NTM: variants seen among roughly 807,000 people sequenced by gnomAD.
NTM encodes the protein neurotrimin.
NTM carries 13 observed loss-of-function variants against 42.1 expected under a neutral mutation model. The observed-to-expected ratio is 0.31, with a 90% CI of 0.20 to 0.49. NTM has a LOEUF of 0.49. Ranked by LOEUF, NTM falls within the 20% of genes least tolerant of loss-of-function variation. The pLI is 0.99. For missense variants in NTM, 373 were observed against 452.8 expected, an observed-to-expected ratio of 0.82 and a Z score of 1.60; for synonymous variants, 187 against 179.2, an observed-to-expected ratio of 1.04 and a Z score of -0.35.
chr11:132,102,010 G>A (rs964883971), intron 2 of NTM, among the ~76,000 whole-genome samples: 14 of 152,176 alleles, frequency 9.2e-5, no homozygotes, highest in Admixed American at 9.2e-4. Flanking sequence ...CTGCTGGAAG[G>A]TAGAATTGCA....
At chr11:131,668,583 G>A (rs537872102) in intron 1 of NTM, among the ~76,000 whole-genome samples, 8 of 152,200 alleles carry the variant, frequency 5.3e-5, no homozygotes, top group Admixed American at 1.3e-4. Context: ...GACTTAAGAT[G>A]ACTCCTTTCT....
intron 4 of NTM, among the ~76,000 whole-genome samples, chr11:132,246,204 T>C (rs1003540363): frequency 6.6e-6 from 1 of 152,206 alleles, no homozygotes; most frequent in South Asian, 2.1e-4. Flanking sequence ...CAAAGGGGCC[T>C]TTGCCGCACC....
intron 3 of NTM, among the ~76,000 whole-genome samples, chr11:132,183,127 C>T (rs1010396678): frequency 2.6e-5 from 4 of 152,168 alleles, no homozygotes; most frequent in African/African-American, 9.7e-5. Flanking sequence ...ACTTAATGTT[C>T]CTATCTTACC....
At chr11:132,133,699 A>G (rs2067233363) in intron 2 of NTM, among the ~76,000 whole-genome samples, 1 of 152,138 alleles carries the variant, frequency 6.6e-6, no homozygotes, top group African/African-American at 2.4e-5. Context: ...AACGAGGCCT[A>G]ACGTATTTGG....
At chr11:131,819,599 C>T (rs1417611235) in intron 1 of NTM, among the ~76,000 whole-genome samples, 1 of 152,198 alleles carries the variant, frequency 6.6e-6, no homozygotes, top group African/African-American at 2.4e-5. Flanking sequence ...GAGGCACTTT[C>T]CAAGTTCCTC....
intron 2 of NTM, among the ~76,000 whole-genome samples, chr11:131,954,646 A>T (rs1012232714): frequency 3.3e-5 from 5 of 152,164 alleles, no homozygotes; most frequent in Non-Finnish European, 7.3e-5. Context: ...TTTAACGAAA[A>T]CATTATGTTT....
chr11:132,076,407 A>C (rs1484538223), intron 2 of NTM, among the ~76,000 whole-genome samples: 1 of 152,212 alleles, frequency 6.6e-6, no homozygotes, highest in Non-Finnish European at 1.5e-5. Flanking sequence ...TTGGAGAAAG[A>C]AAGCAAAATC....
Position 131,432,839 on chromosome 11 carries a change from C to CTTTTTT in NTM, c.82+61978_82+61983dup, listed in dbSNP as rs377739708. Among the ~76,000 whole-genome samples, 85 of 68,700 alleles carry CTTTTTT rather than the reference C, an allele frequency of 1.2e-3. 4 individuals are homozygous for CTTTTTT. Among genetic ancestry groups the CTTTTTT allele is most frequent in the African/African-American group, 1.4e-3 (23 of 16,092 alleles). 45.1% of individuals were successfully genotyped at this position (68,700 alleles called of 152,430 possible). A position where few individuals can be genotyped will look rare whatever the true frequency, so the allele number is the denominator to read the frequency against. The stretch of plus-strand genomic sequence containing the variant: ...CTACAAAAGATGAAGATTTAGCATT[C>CTTTTTT]TTTTTTTTTTTTTTTTTTTTTTTTT... On this transcript the variant is annotated intron_variant, in intron 1 of 8. Transcript: ENST00000683400.
intron 1 of NTM, among the ~76,000 whole-genome samples, chr11:131,757,940 G>T (rs2083551639): frequency 1.3e-5 from 2 of 152,208 alleles, no homozygotes; most frequent in South Asian, 4.1e-4. Context: ...GTAGATAAAA[G>T]ATTTAATGTT....
At chr11:131,553,219 G>T (rs1436433602) in intron 1 of NTM, among the ~76,000 whole-genome samples, 1 of 152,190 alleles carries the variant, frequency 6.6e-6, no homozygotes, top group Admixed American at 6.5e-5. Context: ...TCTATTTCTT[G>T]TCTGGGTGGT....
At chr11:132,320,650 A>C (rs1489610785) in intron 7 of NTM, among the ~76,000 whole-genome samples, 1 of 152,156 alleles carries the variant, frequency 6.6e-6, no homozygotes, top group Non-Finnish European at 1.5e-5. Context: ...GCAGCCAGAA[A>C]GCTCGAACTG....
intron 1 of NTM, among the ~76,000 whole-genome samples, chr11:131,600,024 C>T (rs2060328648): frequency 6.6e-6 from 1 of 152,230 alleles, no homozygotes; most frequent in Non-Finnish European, 1.5e-5. Context: ...GTACACATCA[C>T]CTCTCCGAGG....
intron 1 of NTM, among the ~76,000 whole-genome samples, chr11:131,546,987 C>G (rs922654159): frequency 6.6e-6 from 1 of 152,128 alleles, no homozygotes. Flanking sequence ...CTCTGAGTTA[C>G]TGTTCTATGG....
chr11:131,413,225 C>T (rs573965463), intron 1 of NTM, among the ~76,000 whole-genome samples: 1 of 152,234 alleles, frequency 6.6e-6, no homozygotes, highest in Admixed American at 6.5e-5. Context: ...ATATTGTTAT[C>T]CATGTTAGTG....
intron 4 of NTM, among the ~76,000 whole-genome samples, chr11:132,304,525 T>TTAAC (rs1392264277): frequency 1.3e-5 from 2 of 152,224 alleles, no homozygotes; most frequent in Non-Finnish European, 2.9e-5. Context: ...CGTTGATTTA[T>TTAAC]TAACTCTAGA....
chr11:131,393,595 C>T (rs1944256427), intron 1 of NTM, among the ~76,000 whole-genome samples: 1 of 152,200 alleles, frequency 6.6e-6, no homozygotes, highest in South Asian at 2.1e-4. Flanking sequence ...CCTCCTCCTA[C>T]TGCCCCCACC....
At chr11:132,041,238 AG>A (rs1566008571) in intron 2 of NTM, among the ~76,000 whole-genome samples, 3 of 134,134 alleles carry the variant, frequency 2.2e-5, no homozygotes, top group Non-Finnish European at 5.2e-5. Context: ...AGATAGAGAG[AG>A]AGAGAGAGAG....
At chr11:132,246,483 A>G (rs2091182617) in intron 4 of NTM, among the ~76,000 whole-genome samples, 1 of 152,266 alleles carries the variant, frequency 6.6e-6, no homozygotes, top group Non-Finnish European at 1.5e-5. Flanking sequence ...CAGTGGAGGC[A>G]GAACAAAACC....
intron 1 of NTM, among the ~76,000 whole-genome samples, chr11:131,636,512 C>T (rs566073914): frequency 6.6e-6 from 1 of 152,304 alleles, no homozygotes; most frequent in South Asian, 2.1e-4. Context: ...GAGCTGTGGA[C>T]ACGGAGGGTC....
Sources: allele counts gnomAD v4.1 joint callset (sites outside exome capture counted in the v4.1 genomes callset), GRCh38; gene constraint gnomAD v4.1.1; transcripts MANE v1.5; gene names NCBI Gene and HGNC (gene_info 2026-07-23, HGNC 2026-07-21).